HELZ: variants seen among roughly 807,000 people sequenced by gnomAD.
HELZ encodes the protein ATP-dependent RNA helicase with zinc finger domain.
A neutral mutation model predicts 218.2 loss-of-function variants in HELZ; 23 were observed. That is an observed-to-expected ratio of 0.11 (90% CI 0.08 to 0.15). HELZ has a LOEUF of 0.15. Among genes scored for constraint, HELZ ranks in the 10% least tolerant of loss-of-function variants. HELZ has a pLI of 1.00. For missense variants in HELZ, 1,813 were observed against 2,353.7 expected, an observed-to-expected ratio of 0.77 and a Z score of 4.75; for synonymous variants, 814 against 829.4, an observed-to-expected ratio of 0.98 and a Z score of 0.32.
At chr17:67,226,281 A>G (rs1236607144) in intron 3 of HELZ, among the ~76,000 whole-genome samples, 5 of 145,046 alleles carry the variant, frequency 3.4e-5, no homozygotes, top group South Asian at 2.2e-4. Flanking sequence ...AGAAAAAAGG[A>G]AAAAAAAAAA....
chr17:67,090,566 C>A (rs935636741), intron 31 of HELZ, among the ~76,000 whole-genome samples: 80 of 152,226 alleles, frequency 5.3e-4, no homozygotes, highest in African/African-American at 1.7e-3. Context: ...AATTCAATTT[C>A]TTTAACAGTT....
At chr17:67,209,072 G>A (rs889660919) in intron 5 of HELZ, among the ~76,000 whole-genome samples, 3 of 149,948 alleles carry the variant, frequency 2.0e-5, no homozygotes, top group African/African-American at 4.9e-5. Context: ...AAGGAAAGAA[G>A]GTAGGTTGGT....
At chr17:67,181,136 T>A (rs186637233) in intron 12 of HELZ, among the ~76,000 whole-genome samples, 1 of 152,296 alleles carries the variant, frequency 6.6e-6, no homozygotes, top group East Asian at 1.9e-4. Context: ...GAGGTCTAAC[T>A]ACTCTTTGGT....
chr17:67,139,036 T>C (rs2038238659), intron 21 of HELZ, among the ~76,000 whole-genome samples: 1 of 152,054 alleles, frequency 6.6e-6, no homozygotes, highest in Non-Finnish European at 1.5e-5. Flanking sequence ...AGGAAGGAGG[T>C]GTGTTTTCAA....
intron 15 of HELZ, among the ~76,000 whole-genome samples, chr17:67,165,374 G>T (rs1038286144): frequency 6.6e-6 from 1 of 152,070 alleles, no homozygotes; most frequent in Non-Finnish European, 1.5e-5. Flanking sequence ...GCCCATAAAA[G>T]CTTCCCACGT....
chr17:67,106,728 A>G (rs1249039599), intron 31 of HELZ, among the ~76,000 whole-genome samples: 1 of 152,264 alleles, frequency 6.6e-6, no homozygotes, highest in East Asian at 1.9e-4. Context: ...CCTGGGTCTA[A>G]CAAAGCACCA....
intron 28 of HELZ, among the ~76,000 whole-genome samples, chr17:67,110,116 G>A (rs563697968): frequency 6.6e-6 from 1 of 152,072 alleles, no homozygotes; most frequent in African/African-American, 2.4e-5. Flanking sequence ...CTCCCAGGCT[G>A]CAGTGCAGTG....
At chr17:67,081,997 C>T (rs2036209537) in intron 32 of HELZ, among the ~76,000 whole-genome samples, 1 of 152,112 alleles carries the variant, frequency 6.6e-6, no homozygotes, top group Non-Finnish European at 1.5e-5. Flanking sequence ...GCCATAGGCC[C>T]TGGAGGGAGA....
chr17:67,235,504 C>CA (rs535025750), intron 3 of HELZ, among the ~76,000 whole-genome samples: 5,638 of 121,944 alleles, frequency 0.046, 358 homozygotes, highest in African/African-American at 0.15. Context: ...GACTCCCTCA[C>CA]AAAAAAAAAA....
chr17:67,147,808 A>G (rs2038551086), intron 20 of HELZ, among the ~76,000 whole-genome samples: 1 of 152,196 alleles, frequency 6.6e-6, no homozygotes, highest in African/African-American at 2.4e-5. Flanking sequence ...GAGGGAAGGA[A>G]TGCTGACATC....
chr17:67,185,057 T>A (rs1012160057), intron 12 of HELZ, among the ~76,000 whole-genome samples: 7 of 152,144 alleles, frequency 4.6e-5, no homozygotes, highest in Admixed American at 4.6e-4. Context: ...GAAGATCCAA[T>A]GATGAACTGG....
chr17:67,217,364 T>A (rs2040626502), intron 4 of HELZ, among the ~76,000 whole-genome samples: 1 of 152,232 alleles, frequency 6.6e-6, no homozygotes, highest in Admixed American at 6.5e-5. Context: ...TACTTCTCAC[T>A]ATCTCCACTG....
At chr17:67,087,279 G>C (rs1054477069) in intron 31 of HELZ, among the ~76,000 whole-genome samples, 198 bp from the exon 32 acceptor site, 1 of 152,166 alleles carries the variant, frequency 6.6e-6, no homozygotes, top group Non-Finnish European at 1.5e-5. Flanking sequence ...TCTGGACATG[G>C]TGTCAGAAGA....
intron 3 of HELZ, among the ~76,000 whole-genome samples, chr17:67,222,611 G>A (rs1047942733): frequency 1.3e-5 from 2 of 152,152 alleles, no homozygotes; most frequent in Non-Finnish European, 2.9e-5. Flanking sequence ...GCTGTAGTGT[G>A]GAACTCAATA....
Position 67,244,723 on chromosome 17 carries a change from G to T in HELZ, c.-132+425C>A, listed in dbSNP as rs908343396. 4.1e-6 allele frequency: 4 copies of T among 984,794 alleles called. No individual in the cohort carries two copies. The South Asian group carries it at 1.9e-4, about 46-fold the overall frequency. 61.0% of individuals were successfully genotyped at this position (984,794 alleles called of 1,614,324 possible). On this transcript the variant is annotated intron_variant, in intron 1 of 32. Coordinates refer to ENST00000358691, the MANE Select transcript of HELZ (RefSeq NM_014877.4). ...GTGGAAGTCCGAGGCCTGAGGGGGG[G>T]CATCGAGCGGGGCGTGGGAGGCCCG...
At position 67,108,443 on chromosome 17, in the gene HELZ, A is replaced by T. The variant is rs770189247; in HGVS notation, c.4724+49T>A. 7.2e-7 allele frequency: 1 copy of T among 1,387,356 alleles called. No individual in the cohort carries two copies. The highest frequency in any genetic ancestry group is 1.0e-6 in the Non-Finnish European group (1 of 979,118). The allele number at this position is 1,387,356 out of a possible 1,614,324, so 85.9% of individuals were successfully genotyped here. Reference sequence around the variant, plus strand: ...AAAAGGACTACAGTCAAAAAAGAGAACAGTGAGGGGGTCGCATTCCAGGGG... The same window carrying T: ...AAAAGGACTACAGTCAAAAAAGAGATCAGTGAGGGGGTCGCATTCCAGGGG... On this transcript the variant is annotated intron_variant, in intron 30 of 32. Coordinates refer to ENST00000358691, the MANE Select transcript of HELZ (RefSeq NM_014877.4). The surrounding 1 kb of genome is among the most constrained non-coding windows in gnomAD (Gnocchi z 4.1).
intron 8 of HELZ, 40 bp from the exon 9 acceptor site, chr17:67,194,082 A>G: frequency 7.2e-7 from 1 of 1,392,354 alleles, no homozygotes. Flanking sequence ...ATTTGAGGCT[A>G]GCCAGTAATT....
In HELZ at chr17:67,120,580, T is replaced by C; in HGVS notation, c.3663A>G (p.Ala1221=). 1 of 1,612,874 alleles carries C rather than the reference T, an allele frequency of 6.2e-7. No homozygotes were observed. The highest frequency in any genetic ancestry group is 1.3e-5 in the African/African-American group (1 of 75,016). ...GATGTGTAATAATTCGAGGATCAAC[T>C]GCAAACCTACCCTGGTATCCTGTCC... ...VPWTGYQGRF[A]VDPRIITHQA... Residue 1221 remains alanine (A), a synonymous_variant, in exon 27 of 33, where the codon GCA becomes GCG. Coordinates refer to ENST00000358691, the MANE Select transcript of HELZ (RefSeq NM_014877.4).
chr17:67,128,713 G>A lies in HELZ; in HGVS notation c.3325C>T (p.Pro1109Ser). 6.2e-7 allele frequency: 1 copy of A among 1,614,058 alleles called. No homozygotes were observed. The highest frequency in any genetic ancestry group is 8.5e-7 in the Non-Finnish European group (1 of 1,179,966). ...GAATGCTGCAGTCTTAGAGCCCGGG[G>A]GATAAATTCAGGTGCCAGCGGATTC... Reference protein sequence around the residue: ...VLNPLAPEFIPRALRLQHSGS... With the variant: ...VLNPLAPEFISRALRLQHSGS... Residue 1109 changes from proline (P) to serine (S), a missense_variant, in exon 24 of 33, where the codon CCC becomes TCC. This residue lies in a region of HELZ where 156 missense variants were observed against 274.4 expected (regional missense o/e 0.57). Transcript: ENST00000358691.
Sources: gnomAD v4.1 joint callset for allele counts (sites outside exome capture counted in the v4.1 genomes callset) on GRCh38, gnomAD v4.1.1 for gene constraint, gnomAD v4.1.1 regional missense constraint, Gnocchi (gnomAD v3.1) non-coding constraint, MANE v1.5 for transcripts, NCBI Gene and HGNC (gene_info 2026-07-23, HGNC 2026-07-21) for gene names.